Variants in DDHD1 observed in about 807,000 individuals in gnomAD.
DDHD1 encodes DDHD domain containing 1.
DDHD1 carries 49 observed loss-of-function variants against 96.4 expected under a neutral mutation model. The observed-to-expected ratio is 0.51, with a 90% CI of 0.40 to 0.64. The LOEUF (loss-of-function observed/expected upper bound fraction) is 0.64. DDHD1 is among the 30% of genes least tolerant of loss of function. The probability of loss-of-function intolerance (pLI) is 0.00; values close to 1 mark genes in which losing one functional copy is unlikely to be tolerated. For synonymous variants in DDHD1, 442 were observed against 446.5 expected, an observed-to-expected ratio of 0.99 and a Z score of 0.13; for missense variants, 1,106 against 1,161.2, an observed-to-expected ratio of 0.95 and a Z score of 0.69.
intron 6 of DDHD1, among the ~76,000 whole-genome samples, chr14:53,064,289 C>T (rs1027410381): frequency 6.6e-6 from 1 of 152,014 alleles, no homozygotes; most frequent in Non-Finnish European, 1.5e-5. Context: ...TTAAAAGCAA[C>T]AGTTCTTAAT....
At chr14:53,139,586 T>A (rs1890492266) in intron 1 of DDHD1, among the ~76,000 whole-genome samples, 3 of 152,056 alleles carry the variant, frequency 2.0e-5, no homozygotes. Context: ...AAATACAAGG[T>A]GTGCCTTGAG....
intron 1 of DDHD1, among the ~76,000 whole-genome samples, chr14:53,125,730 C>G (rs1015731415): frequency 1.4e-5 from 2 of 140,972 alleles, no homozygotes; most frequent in Non-Finnish European, 3.0e-5. Flanking sequence ...GAGATGGAAT[C>G]TCGCCCTGTC....
intron 6 of DDHD1, among the ~76,000 whole-genome samples, chr14:53,064,843 T>TTTAG (rs1879187602): frequency 6.6e-6 from 1 of 152,146 alleles, no homozygotes; most frequent in East Asian, 1.9e-4. Context: ...TACCTCTAAA[T>TTTAG]GCTTCTGTAT....
At chr14:53,129,481 A>T (rs1889704233) in intron 1 of DDHD1, among the ~76,000 whole-genome samples, 1 of 152,150 alleles carries the variant, frequency 6.6e-6, no homozygotes, top group Non-Finnish European at 1.5e-5. Context: ...ACTGAGGAAG[A>T]CAGTCTTCCC....
intron 8 of DDHD1, among the ~76,000 whole-genome samples, 156 bp from the exon 9 acceptor site, chr14:53,058,782 C>T (rs2139850994): frequency 6.6e-6 from 1 of 152,238 alleles, no homozygotes; most frequent in East Asian, 1.9e-4. Flanking sequence ...CTCTGCCAAC[C>T]ATTAACCATT....
chr14:53,083,179 T>G (rs1213380255), intron 4 of DDHD1, among the ~76,000 whole-genome samples: 1 of 152,074 alleles, frequency 6.6e-6, no homozygotes, highest in Non-Finnish European at 1.5e-5. Flanking sequence ...TACTTACGGG[T>G]TTATGCCTTT....
At chr14:53,090,080 T>C (rs1278214968) in intron 4 of DDHD1, among the ~76,000 whole-genome samples, 1 of 152,102 alleles carries the variant, frequency 6.6e-6, no homozygotes, top group African/African-American at 2.4e-5. Context: ...AAGAGACACT[T>C]CTCAAAAGAA....
chr14:53,146,786 T>C (rs913441152), intron 1 of DDHD1, among the ~76,000 whole-genome samples: 3 of 152,180 alleles, frequency 2.0e-5, no homozygotes, highest in Non-Finnish European at 4.4e-5. Flanking sequence ...TTTACCAATG[T>C]AGACGCAAAA....
At chr14:53,135,231 T>C (rs1252185893) in intron 1 of DDHD1, among the ~76,000 whole-genome samples, 1 of 152,202 alleles carries the variant, frequency 6.6e-6, no homozygotes, top group African/African-American at 2.4e-5. Flanking sequence ...CATTCCTCCA[T>C]TGTGATCTTT....
At chr14:53,150,395 T>A (rs1038766994) in intron 1 of DDHD1, among the ~76,000 whole-genome samples, 8 of 152,250 alleles carry the variant, frequency 5.3e-5, no homozygotes, top group African/African-American at 1.7e-4. Flanking sequence ...TCTAGCTAAG[T>A]GGCCTTGGAC....
intron 2 of DDHD1, chr14:53,103,440 T>C: frequency 2.4e-6 from 1 of 409,638 alleles, no homozygotes; most frequent in Non-Finnish European, 4.3e-6. Flanking sequence ...TAACAATCTG[T>C]ACATTTATAG....
chr14:53,123,625 T>C (rs1035266319), intron 1 of DDHD1, among the ~76,000 whole-genome samples: 2 of 152,214 alleles, frequency 1.3e-5, no homozygotes, highest in African/African-American at 4.8e-5. Context: ...CTTGAAAACC[T>C]GTATTAAACC....
chr14:53,054,747 C>G, intron 10 of DDHD1, 118 bp from the exon 11 acceptor site: 2 of 916,046 alleles, frequency 2.2e-6, no homozygotes, highest in Non-Finnish European at 3.3e-6. Context: ...CATGTTTTTC[C>G]AGGGTGGGAA....
At chr14:53,134,194 G>A (rs2139850730) in intron 1 of DDHD1, among the ~76,000 whole-genome samples, 1 of 152,180 alleles carries the variant, frequency 6.6e-6, no homozygotes, top group East Asian at 1.9e-4. Flanking sequence ...CCTATCTTCT[G>A]TCTAGCCATA....
intron 7 of DDHD1, among the ~76,000 whole-genome samples, chr14:53,062,710 G>A (rs573603790): frequency 1.3e-5 from 2 of 152,166 alleles, no homozygotes; most frequent in South Asian, 2.1e-4. Context: ...GTGAAGAAAC[G>A]ATGAAAGGAA....
chr14:53,057,613 T>C (rs1883171584), intron 9 of DDHD1, among the ~76,000 whole-genome samples: 1 of 152,236 alleles, frequency 6.6e-6, no homozygotes, highest in Non-Finnish European at 1.5e-5. Context: ...TTATGGTTTC[T>C]AGGTTACTGG....
chr14:53,053,115 T>C (rs1364649903), intron 11 of DDHD1: 2 of 152,066 alleles, frequency 1.3e-5, no homozygotes, highest in Non-Finnish European at 2.9e-5. Flanking sequence ...TTACTAGCAC[T>C]ACTGTTGCAC....
intron 6 of DDHD1, among the ~76,000 whole-genome samples, chr14:53,065,929 T>C (rs1883974823): frequency 6.6e-6 from 1 of 152,198 alleles, no homozygotes; most frequent in Non-Finnish European, 1.5e-5. Flanking sequence ...CTATTAAAAA[T>C]ATGGTGGCCC....
At chr14:53,078,489 T>C (rs1885160447) in intron 4 of DDHD1, among the ~76,000 whole-genome samples, 1 of 152,160 alleles carries the variant, frequency 6.6e-6, no homozygotes, top group African/African-American at 2.4e-5. Flanking sequence ...TTTTAAAAAC[T>C]GTTGAGTTGT....
Sources: allele counts gnomAD v4.1 joint callset (sites outside exome capture counted in the v4.1 genomes callset), GRCh38; gene constraint gnomAD v4.1.1; transcripts MANE v1.5; gene names NCBI Gene and HGNC (gene_info 2026-07-23, HGNC 2026-07-21).